Variants in NNT observed in about 807,000 individuals in gnomAD.
NNT encodes the protein nicotinamide nucleotide transhydrogenase.
Under a neutral mutation model 104.8 loss-of-function variants are expected in NNT, and 50 were observed. That is an observed-to-expected ratio of 0.48 (90% CI 0.38 to 0.60). The LOEUF (loss-of-function observed/expected upper bound fraction) is 0.60. Ranked by LOEUF, NNT falls within the 20% of genes least tolerant of loss-of-function variation. NNT has a pLI of 0.00. For synonymous variants in NNT, 461 were observed against 490.4 expected (o/e 0.94, Z 0.79); for missense variants, 1,131 against 1,330.7 (o/e 0.85, Z 2.33).
chr5:43,612,191 C>T (rs1749534937), intron 2 of NNT, among the ~76,000 whole-genome samples: 1 of 152,220 alleles, frequency 6.6e-6, no homozygotes, highest in Non-Finnish European at 1.5e-5. Flanking sequence ...CTCCTTGTCC[C>T]TCTCTGTGGG....
chr5:43,644,846 T>G, intron 9 of NNT, 44 bp downstream of exon 9: 1 of 1,487,524 alleles, frequency 6.7e-7, no homozygotes, highest in Non-Finnish European at 9.1e-7. Context: ...TAATGTAAAT[T>G]TGTTTTAGAA....
chr5:43,648,070 A>G (rs1183508166), intron 10 of NNT: 1 of 1,223,802 alleles, frequency 8.2e-7, no homozygotes, highest in Non-Finnish European at 1.0e-6. Context: ...CTTATTCACA[A>G]CCCTATGCAA....
chr5:43,635,394 T>C (rs943543284), intron 7 of NNT, among the ~76,000 whole-genome samples: 12 of 152,122 alleles, frequency 7.9e-5, no homozygotes, highest in African/African-American at 2.9e-4. Context: ...GGAGTGTGCA[T>C]GGAAGGCCAG....
Position 43,644,247 on chromosome 5 carries a change from T to G in NNT, c.1020T>G (p.Gly340=), listed in dbSNP as rs575790715. ...AAATGATTGAGTCAATGAAGGAAGG[T>G]TCAGTTGTTGTGGATTTAGCTGCTG... ...NKEMIESMKE[G]SVVVDLAAEA... The change falls in exon 8 of 22, where the codon GGT becomes GGG. Residue 340 remains glycine (G), a synonymous_variant. Coordinates refer to ENST00000344920, the MANE Select transcript of NNT (RefSeq NM_182977.3). 3.8e-5 allele frequency: 61 copies of G among 1,613,322 alleles called. No homozygotes were observed. The highest frequency in any genetic ancestry group is 5.1e-5 in the Non-Finnish European group (60 of 1,179,756).
At position 43,645,181 on chromosome 5, in the gene NNT, A is replaced by G. The variant is rs148593324; in HGVS notation, c.1291-176A>G. 5.6e-3 allele frequency among the ~76,000 whole-genome samples: 859 copies of G among 152,256 alleles called. 6 individuals are homozygous for G. Among genetic ancestry groups the G allele is most frequent in the African/African-American group, 0.019 (780 of 41,560 alleles). On this transcript the variant is annotated intron_variant, in intron 9 of 21. Transcript: ENST00000344920. ...TTGTATATGTAACATGGATATTAGT[A>G]TTTGTATATGTATGTGACATATTTA...
chr5:43,666,470 C>T lies in NNT; in HGVS notation c.2634+7120C>T, dbSNP rs537647122. On this transcript the variant is annotated intron_variant, in intron 17 of 21. Coordinates refer to ENST00000344920, the MANE Select transcript of NNT (RefSeq NM_182977.3). Reference sequence around the variant, plus strand: ...AGTCAGGCGTGGCAGCGCGCGCCTGCAATCCCAGGCACTCAGCAGCCTGAG... The same window carrying T: ...AGTCAGGCGTGGCAGCGCGCGCCTGTAATCCCAGGCACTCAGCAGCCTGAG... Among the ~76,000 whole-genome samples the T allele has an allele frequency of 7.9e-5, 12 of 152,216 alleles. No homozygotes were observed. In the East Asian group the frequency reaches 2.3e-3, roughly 30 times the overall value.
rs1378010728 is a variant in NNT, at chr5:43,700,158, G to T, written c.2916G>T (p.Gln972His). Reference sequence around the variant, plus strand: ...CAGTTGCAGGCCGAATGCCTGGTCAGCTTAATGTGCTGCTGGCTGAGGCTG... The same window carrying T: ...CAGTTGCAGGCCGAATGCCTGGTCATCTTAATGTGCTGCTGGCTGAGGCTG... ...IHPVAGRMPG[Q>H]LNVLLAEAGV... The change falls in exon 20 of 22, where the codon CAG becomes CAT. Residue 972 changes from glutamine to histidine, a missense_variant. Physicochemically the swap from Gln to His is conservative, Grantham distance 24. Transcript: ENST00000344920. 1 of 1,613,512 alleles carries T rather than the reference G, an allele frequency of 6.2e-7. No individual in the cohort carries two copies. The highest frequency in any genetic ancestry group is 2.2e-5 in the East Asian group (1 of 44,852).
intron 17 of NNT, 56 bp downstream of exon 17, chr5:43,659,406 G>T (rs1740236237): frequency 7.2e-7 from 1 of 1,382,944 alleles, no homozygotes; most frequent in African/African-American, 1.4e-5. Flanking sequence ...AAACATGGAT[G>T]TGCATGTCAT....
rs1284251718 is a variant in NNT at position 43,707,313 on chromosome 5, T to C, written c.*2909T>C. The C allele has an allele frequency of 6.6e-6, 1 of 152,124 alleles. No individual in the cohort carries two copies. The highest frequency in any genetic ancestry group is 2.4e-5 in the African/African-American group (1 of 41,422). The allele number at this position is 152,124 out of a possible 1,614,324, so 9.4% of individuals were successfully genotyped here. On this transcript the variant is annotated 3_prime_UTR_variant, in exon 22 of 22. Coordinates refer to ENST00000344920, the MANE Select transcript of NNT (RefSeq NM_182977.3). ...ATAACTAATTGAGGTAATGCACATA[T>C]TAATTAGAAAGATTTTGTCATTCCA...
At chr5:43,677,923 T>C in intron 19 of NNT, 117 bp downstream of exon 19, 1 of 751,316 alleles carries the variant, frequency 1.3e-6, no homozygotes, top group Non-Finnish European at 2.2e-6. Context: ...GCCCATACAA[T>C]TAAAAATCCA....
chr5:43,634,094 T>G (rs547445856), intron 7 of NNT, among the ~76,000 whole-genome samples: 4 of 152,310 alleles, frequency 2.6e-5, no homozygotes, highest in African/African-American at 9.6e-5. Context: ...GGCCATACTT[T>G]TTGTTTTTAT....
chr5:43,707,390 A>G lies in NNT; in HGVS notation c.*2986A>G, dbSNP rs916955575. 3 of 152,170 alleles carry G rather than the reference A, an allele frequency of 2.0e-5. No individual in the cohort carries two copies. In the South Asian group the frequency reaches 6.2e-4, roughly 31 times the overall value. 9.4% of individuals were successfully genotyped at this position (152,170 alleles called of 1,614,324 possible). A position where few individuals can be genotyped will look rare whatever the true frequency, so the allele number is the denominator to read the frequency against. ...TATACACAATAAATACATACATTAAAAAATAAGTAAATGTATAAGTTTTTA... is the reference window on the plus strand; with the variant it reads ...TATACACAATAAATACATACATTAAGAAATAAGTAAATGTATAAGTTTTTA... On this transcript the variant is annotated 3_prime_UTR_variant, in exon 22 of 22. Coordinates refer to ENST00000344920, the MANE Select transcript of NNT (RefSeq NM_182977.3).
At position 43,706,621 on chromosome 5, in the gene NNT, G is replaced by T. The variant is rs1282172726; in HGVS notation, c.*2217G>T. The T allele has an allele frequency of 6.6e-6, 1 of 152,114 alleles. No homozygotes were observed. Among genetic ancestry groups the T allele is most frequent in the Non-Finnish European group, 1.5e-5 (1 of 68,030 alleles). 9.4% of individuals were successfully genotyped at this position (152,114 alleles called of 1,614,324 possible). On this transcript the variant is annotated 3_prime_UTR_variant, in exon 22 of 22. Transcript: ENST00000344920. ...AAATGTATATAAATCCCATTACTGG[G>T]TATATACCCAAAGGATTATAAATCA...
In NNT at chr5:43,646,464, AT is replaced by A. The variant is rs373535709; in HGVS notation, c.1444+969del. On this transcript the variant is annotated intron_variant, in intron 10 of 21. Transcript: ENST00000344920. ...GCCACCACGCCCAGCTAATTTTTGT[AT>A]TTTTTTTTTTTTTTGTAGAGACGGG... 7.8e-3 allele frequency among the ~76,000 whole-genome samples: 1,056 copies of A among 136,162 alleles called. 5 individuals are homozygous for A. Among genetic ancestry groups the A allele is most frequent in the African/African-American group, 0.02 (749 of 37,216 alleles). The allele number at this position is 136,162 out of a possible 152,430, so 89.3% of individuals were successfully genotyped here.
chr5:43,680,684 C>G (rs773629646), intron 19 of NNT, among the ~76,000 whole-genome samples: 1 of 152,132 alleles, frequency 6.6e-6, no homozygotes, highest in Non-Finnish European at 1.5e-5. Context: ...AATATGCTCA[C>G]GAGCTAAGAT....
At position 43,609,233 on chromosome 5, in the gene NNT, C is replaced by T. The variant is rs759723802; in HGVS notation, c.38C>T (p.Ser13Leu). The T allele has an allele frequency of 1.5e-5, 24 of 1,613,770 alleles. No homozygotes were observed. Among genetic ancestry groups the T allele is most frequent in the Middle Eastern group, 1.6e-4 (1 of 6,084 alleles). The change falls in exon 2 of 22, where the codon TCG (serine) becomes TTG (leucine). Residue 13 changes from serine to leucine, a missense_variant. Coordinates refer to ENST00000344920, the MANE Select transcript of NNT (RefSeq NM_182977.3). ...NLLKTVVTGCSCPLLSNLGSC... is the reference protein window; with the variant it reads ...NLLKTVVTGCLCPLLSNLGSC... Reference sequence around the variant, plus strand: ...TTGAAAACAGTGGTGACTGGCTGCTCGTGTCCTCTACTTAGCAATTTGGGG... The same window carrying T: ...TTGAAAACAGTGGTGACTGGCTGCTTGTGTCCTCTACTTAGCAATTTGGGG...
chr5:43,685,808 A>G (rs1300118980), intron 19 of NNT, among the ~76,000 whole-genome samples: 2 of 152,096 alleles, frequency 1.3e-5, no homozygotes, highest in Non-Finnish European at 2.9e-5. Flanking sequence ...GGTAGGACAT[A>G]TTGTCTCCAT....
At chr5:43,671,091 G>A (rs766626209) in intron 17 of NNT, among the ~76,000 whole-genome samples, 11 of 152,098 alleles carry the variant, frequency 7.2e-5, no homozygotes, top group Admixed American at 2.6e-4. Flanking sequence ...TTTTATCAGC[G>A]ACTAGGATTG....
At chr5:43,662,062 G>A (rs1740398054) in intron 17 of NNT, among the ~76,000 whole-genome samples, 1 of 152,206 alleles carries the variant, frequency 6.6e-6, no homozygotes, top group Non-Finnish European at 1.5e-5. Context: ...GATATGGGGA[G>A]AGGAGGGAAG....
Sources: allele counts gnomAD v4.1 joint callset (sites outside exome capture counted in the v4.1 genomes callset), GRCh38; gene constraint gnomAD v4.1.1; transcripts MANE v1.5; gene names NCBI Gene and HGNC (gene_info 2026-07-23, HGNC 2026-07-21).